TNFRSF1B: variants seen among roughly 807,000 people sequenced by gnomAD.
TNFRSF1B encodes the protein TNF receptor superfamily member 1B.
TNFRSF1B carries 19 observed loss-of-function variants against 44.6 expected under a neutral mutation model. The observed-to-expected ratio is 0.43, with a 90% CI of 0.30 to 0.62. TNFRSF1B has a LOEUF of 0.62. Ranked by LOEUF, TNFRSF1B falls within the 20% of genes least tolerant of loss-of-function variation. The probability of loss-of-function intolerance (pLI) is 0.16; values close to 1 mark genes in which losing one functional copy is unlikely to be tolerated. For synonymous variants in TNFRSF1B, 252 were observed against 261.1 expected, an observed-to-expected ratio of 0.97 and a Z score of 0.34; for missense variants, 541 against 619.9, an observed-to-expected ratio of 0.87 and a Z score of 1.35.
chr1:12,184,853 C>T lies in TNFRSF1B; in HGVS notation c.79-3943C>T, dbSNP rs541743472. On this transcript the variant is annotated intron_variant, in intron 1 of 9. Coordinates refer to ENST00000376259, the MANE Select transcript of TNFRSF1B (RefSeq NM_001066.3). ...CAAGGGCACTCGTGGGGATGAAGCC[C>T]GCGGGATGCAGGATTCCCACGAGAC... Among the ~76,000 whole-genome samples, 10 of 152,296 alleles carry T rather than the reference C, an allele frequency of 6.6e-5. No individual in the cohort carries two copies. The East Asian group carries it at 1.9e-3, about 29-fold the overall frequency.
intron 1 of TNFRSF1B, among the ~76,000 whole-genome samples, chr1:12,175,929 G>T (rs143545783): frequency 5.8e-4 from 88 of 152,020 alleles, no homozygotes; most frequent in Admixed American, 2.9e-3. Flanking sequence ...AATATTAGGG[G>T]ACAGGCCGGG....
In TNFRSF1B at chr1:12,191,899, C is replaced by CCGGGCTT; in HGVS notation, c.437_443dup (p.Val149LeufsTer9). The stretch of plus-strand genomic sequence containing the variant: ...GTGCGCGCCGCTGCGCAAGTGCCGC[C>CCGGGCTT]CGGGCTTCGGCGTGGCCAGACCAGG... On this transcript the variant is annotated frameshift_variant, in exon 4 of 10. Coordinates refer to ENST00000376259, the MANE Select transcript of TNFRSF1B (RefSeq NM_001066.3). LOFTEE classifies it high-confidence loss of function. 6.2e-7 allele frequency: 1 copy of CCGGGCTT among 1,609,512 alleles called. No homozygotes were observed. The highest frequency in any genetic ancestry group is 8.5e-7 in the Non-Finnish European group (1 of 1,178,524).
chr1:12,196,041 C>T (rs1639258899), intron 8 of TNFRSF1B, among the ~76,000 whole-genome samples: 1 of 152,152 alleles, frequency 6.6e-6, no homozygotes, highest in Admixed American at 6.5e-5. Context: ...TGGCTCACTC[C>T]TGTAATCCCA....
intron 1 of TNFRSF1B, among the ~76,000 whole-genome samples, chr1:12,182,733 T>C (rs1253805142): frequency 6.6e-6 from 1 of 152,234 alleles, no homozygotes; most frequent in African/African-American, 2.4e-5. Flanking sequence ...TGGCACATAG[T>C]AGTTGCTTAG....
At position 12,197,998 on chromosome 1, in the gene TNFRSF1B, G is replaced by A. The variant is rs17885868; in HGVS notation, c.900+3380G>A. On this transcript the variant is annotated intron_variant, in intron 8 of 9. Transcript: ENST00000376259. ...AAATTAGCCGGGCGTGGTGGCGGGC[G>A]CCCGTAGTCCCAGCTACTCCGGAGG... 2.5e-3 allele frequency among the ~76,000 whole-genome samples: 387 copies of A among 152,034 alleles called. 1 individual carries two copies. Among genetic ancestry groups the A allele is most frequent in the African/African-American group, 8.4e-3 (349 of 41,462 alleles).
rs1477787782 is a variant in TNFRSF1B, at chr1:12,206,217, G to A, written c.1106-523G>A. ...AACCCAGGCAACCTGGCGAAACCCTGTCTCTACAAAAAATTAGCAGGGTGC... is the reference window on the plus strand; with the variant it reads ...AACCCAGGCAACCTGGCGAAACCCTATCTCTACAAAAAATTAGCAGGGTGC... On this transcript the variant is annotated intron_variant, in intron 9 of 9. Transcript: ENST00000376259. 3.3e-5 allele frequency among the ~76,000 whole-genome samples: 5 copies of A among 152,088 alleles called. No individual in the cohort carries two copies. The South Asian group carries it at 1.0e-3, about 32-fold the overall frequency.
At chr1:12,195,727 A>G (rs1400660379) in intron 8 of TNFRSF1B, among the ~76,000 whole-genome samples, 3 of 152,148 alleles carry the variant, frequency 2.0e-5, no homozygotes, top group Non-Finnish European at 4.4e-5. Flanking sequence ...GGAAGTGGGT[A>G]TGGGGTGAGC....
At chr1:12,196,737 G>A (rs1175598809) in intron 8 of TNFRSF1B, among the ~76,000 whole-genome samples, 2 of 152,164 alleles carry the variant, frequency 1.3e-5, no homozygotes, top group African/African-American at 2.4e-5. Context: ...CCCGGCGAGC[G>A]AGTTTCACTG....
chr1:12,191,146 C>G (rs1639110141), intron 3 of TNFRSF1B, 61 bp downstream of exon 3: 1 of 1,583,990 alleles, frequency 6.3e-7, no homozygotes, highest in African/African-American at 1.3e-5. Context: ...CCCCCGGCAA[C>G]TCCAGCCTCT....
intron 8 of TNFRSF1B, among the ~76,000 whole-genome samples, chr1:12,196,947 T>TC (rs1336295399): frequency 6.6e-6 from 1 of 151,732 alleles, no homozygotes; most frequent in Non-Finnish European, 1.5e-5. Context: ...TCCATTTTTT[T>TC]TTTCTTTCTT....
chr1:12,193,936 G>GCTT lies in TNFRSF1B; in HGVS notation c.788-16_788-14dup, dbSNP rs1557636212. 1 of 1,608,960 alleles carries GCTT rather than the reference G, an allele frequency of 6.2e-7. No individual in the cohort carries two copies. The highest frequency in any genetic ancestry group is 1.1e-5 in the South Asian group (1 of 90,916). ...GAGTTTGTTTTCTGTAGCTGTCTGA[G>GCTT]CTTCTCTTTTCTTTCTAGGACTGAT... On this transcript the variant is annotated intron_variant, in intron 6 of 9. Transcript: ENST00000376259.
At chr1:12,191,421 G>C (rs890812005) in intron 3 of TNFRSF1B, among the ~76,000 whole-genome samples, 13 of 151,926 alleles carry the variant, frequency 8.6e-5, no homozygotes, top group Non-Finnish European at 1.6e-4. Context: ...GGGGAAGAGC[G>C]GGACTTCGGG....
intron 5 of TNFRSF1B, 81 bp downstream of exon 5, chr1:12,192,605 C>A: frequency 7.4e-7 from 1 of 1,358,832 alleles, no homozygotes; most frequent in Non-Finnish European, 1.1e-6. Flanking sequence ...CACAGAGCAG[C>A]TCACCAACCA....
intron 8 of TNFRSF1B, among the ~76,000 whole-genome samples, chr1:12,197,922 G>A (rs1232444576): frequency 2.0e-5 from 3 of 152,090 alleles, no homozygotes; most frequent in Admixed American, 6.5e-5. Flanking sequence ...TCAGGAGATC[G>A]AGACCATCCT....
At chr1:12,201,635 G>A (rs1639391558) in intron 8 of TNFRSF1B, among the ~76,000 whole-genome samples, 2 of 152,166 alleles carry the variant, frequency 1.3e-5, no homozygotes, top group South Asian at 4.1e-4. Context: ...GTGAAGGAAA[G>A]CTGCTTTCCT....
chr1:12,168,379 C>T lies in TNFRSF1B; in HGVS notation c.78+1210C>T, dbSNP rs1316659196. On this transcript the variant is annotated intron_variant, in intron 1 of 9. Transcript: ENST00000376259. This position sits in a 1 kb window ranked among gnomAD's most constrained non-coding sequence, Gnocchi z 4.7. ...GGGCTGTCAGACTAGAATTGACTCA[C>T]CGACAGTGGGTGTCAGGAGTGGGTC... Among the ~76,000 whole-genome samples the T allele has an allele frequency of 6.6e-6, 1 of 152,210 alleles. No homozygotes were observed. The highest frequency in any genetic ancestry group is 1.5e-5 in the Non-Finnish European group (1 of 68,038).
Position 12,167,097 on chromosome 1 carries a change from G to C in TNFRSF1B, c.6G>C (p.Ala2=). 1 of 1,333,462 alleles carries C rather than the reference G, an allele frequency of 7.5e-7. No homozygotes were observed. Among genetic ancestry groups the C allele is most frequent in the Non-Finnish European group, 9.6e-7 (1 of 1,039,060 alleles). 82.6% of individuals were successfully genotyped at this position (1,333,462 alleles called of 1,614,324 possible). M[A]PVAVWAALAV... ...ACCGGACCCCGCCCGCACCCATGGC[G>C]CCCGTCGCCGTCTGGGCCGCGCTGG... Residue 2 remains alanine (A), a synonymous_variant, in exon 1 of 10, where the codon GCG becomes GCC. Coordinates refer to ENST00000376259, the MANE Select transcript of TNFRSF1B (RefSeq NM_001066.3).
chr1:12,179,831 C>T (rs949151448), intron 1 of TNFRSF1B, among the ~76,000 whole-genome samples: 3 of 152,218 alleles, frequency 2.0e-5, no homozygotes, highest in Admixed American at 2.0e-4. Context: ...TAAAATGGAT[C>T]ATCCTGACCT....
At chr1:12,183,748 TCTAG>T (rs1174385673) in intron 1 of TNFRSF1B, among the ~76,000 whole-genome samples, 53 of 117,006 alleles carry the variant, frequency 4.5e-4, no homozygotes, top group African/African-American at 6.0e-4. Context: ...TATCTATCTA[TCTAG>T]CTAGCTAGCT....
Sources: allele counts gnomAD v4.1 joint callset (sites outside exome capture counted in the v4.1 genomes callset), GRCh38; gene constraint gnomAD v4.1.1; non-coding constraint Gnocchi (gnomAD v3.1); transcripts MANE v1.5; gene names NCBI Gene and HGNC (gene_info 2026-07-23, HGNC 2026-07-21).